Variants in ZNF830 observed in about 807,000 individuals in gnomAD.
ZNF830 encodes the protein coiled-coil domain containing 16.
A neutral mutation model predicts 28.1 loss-of-function variants in ZNF830; 15 were observed. The ratio of observed to expected loss-of-function variants is 0.53; its 90% CI spans 0.36 to 0.82. The LOEUF is 0.82. Ranked by LOEUF, ZNF830 falls within the 40% of genes least tolerant of loss-of-function variation. The pLI is 0.01. For synonymous variants in ZNF830, 208 were observed against 185.3 expected (o/e 1.12, Z -0.99); for missense variants, 456 against 467.7 (o/e 0.97, Z 0.23).
rs750704125 is a variant in ZNF830, at chr17:34,961,610, T to C, written c.44T>C (p.Val15Ala). ...ASARTPAGKR[V>A]INQEELRRLM... Reference sequence around the variant, plus strand: ...GCCCGGACTCCGGCAGGGAAGCGAGTGATAAATCAGGAAGAATTGCGGCGG... The same window carrying C: ...GCCCGGACTCCGGCAGGGAAGCGAGCGATAAATCAGGAAGAATTGCGGCGG... The change falls in exon 1 of 1, where the codon GTG (valine) becomes GCG (alanine). Residue 15 changes from valine (V) to alanine (A), a missense_variant. Coordinates refer to ENST00000361952, the MANE Select transcript of ZNF830 (RefSeq NM_052857.4). 2 of 1,613,306 alleles carry C rather than the reference T, an allele frequency of 1.2e-6. No homozygotes were observed. Among genetic ancestry groups the C allele is most frequent in the Non-Finnish European group, 1.7e-6 (2 of 1,179,834 alleles).
rs2090429864 is a variant in ZNF830 at position 34,962,264 on chromosome 17, A to C, written c.698A>C (p.Glu233Ala). The stretch of plus-strand genomic sequence containing the variant: ...TCAATTGAGAAAGCAGAAATACATG[A>C]AAAAGTGGTGGAAAGGAGAGAAAAC... Reference protein sequence around the residue: ...SGSIEKAEIHEKVVERRENTA... With the variant: ...SGSIEKAEIHAKVVERRENTA... Residue 233 changes from glutamate (E) to alanine (A), a missense_variant, in exon 1 of 1, where the codon GAA (glutamate) becomes GCA (alanine). Physicochemically the swap from Glu to Ala is moderately radical, Grantham distance 107 (BLOSUM62 -1). This residue lies in a region of ZNF830 where 125 missense variants were observed against 177.7 expected (regional missense o/e 0.70). Transcript: ENST00000361952. 2.5e-6 allele frequency: 4 copies of C among 1,613,834 alleles called. No homozygotes were observed. Among genetic ancestry groups the C allele is most frequent in the Non-Finnish European group, 3.4e-6 (4 of 1,180,042 alleles).
Position 34,963,392 on chromosome 17 carries a change from T to C in ZNF830, c.*707T>C, listed in dbSNP as rs751208267. On this transcript the variant is annotated 3_prime_UTR_variant, in exon 1 of 1. Coordinates refer to ENST00000361952, the MANE Select transcript of ZNF830 (RefSeq NM_052857.4). The stretch of plus-strand genomic sequence containing the variant: ...TTTAAGCACCCAGGTTATTCTAATA[T>C]ATGCCAGGGTTAGAGAGTAACTGCC... 6.6e-6 allele frequency: 1 copy of C among 152,276 alleles called. No homozygotes were observed. Among genetic ancestry groups the C allele is most frequent in the Non-Finnish European group, 1.5e-5 (1 of 68,050 alleles). The allele number at this position is 152,276 out of a possible 1,614,324, so 9.4% of individuals were successfully genotyped here.
Position 34,961,674 on chromosome 17 carries a change from A to G in ZNF830, c.108A>G (p.Lys36=). 1.9e-6 allele frequency: 3 copies of G among 1,614,214 alleles called. No homozygotes were observed. The highest frequency in any genetic ancestry group is 2.5e-6 in the Non-Finnish European group (3 of 1,180,030). ...AGCAGCGTCTGAGCACCAGTCGGAA[A>G]CGGATAGAATCTCCATTCGCGAAGT... ...KEKQRLSTSR[K]RIESPFAKYN... Residue 36 remains lysine (K), a synonymous_variant, in exon 1 of 1, where the codon AAA becomes AAG. Coordinates refer to ENST00000361952, the MANE Select transcript of ZNF830 (RefSeq NM_052857.4).
At position 34,962,707 on chromosome 17, in the gene ZNF830, C is replaced by CT; in HGVS notation, c.*23dup. ...ATAGGGTTTTAAAGACCCAAGGTTTCTAACAGCCTCTGCTGTTGTATAAAA... is the reference window on the plus strand; with the variant it reads ...ATAGGGTTTTAAAGACCCAAGGTTTCTTAACAGCCTCTGCTGTTGTATAAAA... On this transcript the variant is annotated 3_prime_UTR_variant, in exon 1 of 1. Transcript: ENST00000361952. 1 of 1,550,762 alleles carries CT rather than the reference C, an allele frequency of 6.4e-7. No homozygotes were observed. The highest frequency in any genetic ancestry group is 8.7e-7 in the Non-Finnish European group (1 of 1,155,094).
Position 34,962,164 on chromosome 17 carries a change from GT to G in ZNF830, c.599del (p.Val200GlufsTer20). 1 of 1,614,120 alleles carries G rather than the reference GT, an allele frequency of 6.2e-7. No homozygotes were observed. Among genetic ancestry groups the G allele is most frequent in the Non-Finnish European group, 8.5e-7 (1 of 1,180,046 alleles). ...KEHSVSSSRE[V>X]TSSVLPNDFF... ...GCACTCAGTTTCCTCTTCACGGGAG[GT>G]AACAAGTAGTGTGCTGCCAAACGAT... is the stretch of plus-strand genomic sequence containing the variant. On this transcript the variant is annotated frameshift_variant, in exon 1 of 1. Transcript: ENST00000361952. LOFTEE classifies it high-confidence loss of function.
chr17:34,962,214 G>A lies in ZNF830; in HGVS notation c.648G>A (p.Lys216=). Residue 216 remains lysine (K), a synonymous_variant, in exon 1 of 1, where the codon AAG becomes AAA. Transcript: ENST00000361952. The part of the protein sequence containing the change: ...PNDFFSTNPP[K]APIIPHSGSI... The stretch of plus-strand genomic sequence containing the variant: ...ATTTCTTTAGTACTAATCCTCCCAA[G>A]GCCCCCATAATTCCTCATTCAGGGT... The A allele has an allele frequency of 1.2e-6, 2 of 1,613,940 alleles. No individual in the cohort carries two copies. Among genetic ancestry groups the A allele is most frequent in the South Asian group, 2.2e-5 (2 of 91,084 alleles).
chr17:34,961,744 G>T lies in ZNF830; in HGVS notation c.178G>T (p.Val60Phe), dbSNP rs777728695. The T allele has an allele frequency of 6.2e-7, 1 of 1,614,066 alleles. No homozygotes were observed. Among genetic ancestry groups the T allele is most frequent in the Non-Finnish European group, 8.5e-7 (1 of 1,180,054 alleles). The change falls in exon 1 of 1, where the codon GTT (valine) becomes TTT (phenylalanine). Residue 60 changes from valine (V) to phenylalanine (F), a missense_variant. Physicochemically the swap from Val to Phe is conservative, Grantham distance 50. Coordinates refer to ENST00000361952, the MANE Select transcript of ZNF830 (RefSeq NM_052857.4). ...QLSCALCNTP[V>F]KSELLWQTHV... Reference sequence around the variant, plus strand: ...GAGTTGTGCCCTGTGTAACACTCCGGTTAAGAGCGAGCTCCTGTGGCAGAC... The same window carrying T: ...GAGTTGTGCCCTGTGTAACACTCCGTTTAAGAGCGAGCTCCTGTGGCAGAC...
At position 34,963,026 on chromosome 17, in the gene ZNF830, A is replaced by G. The variant is rs2090437115; in HGVS notation, c.*341A>G. ...TTTTGAATTTTTTTAATTAATAGAA[A>G]GACCAACCGGCAAACTTTCAGATGA... On this transcript the variant is annotated 3_prime_UTR_variant, in exon 1 of 1. Transcript: ENST00000361952. 5.1e-6 allele frequency: 1 copy of G among 195,402 alleles called. No individual in the cohort carries two copies. Among genetic ancestry groups the G allele is most frequent in the African/African-American group, 2.4e-5 (1 of 42,244 alleles). The allele number at this position is 195,402 out of a possible 1,614,324, so 12.1% of individuals were successfully genotyped here.
At position 34,962,812 on chromosome 17, in the gene ZNF830, A is replaced by C. The variant is rs1252052582; in HGVS notation, c.*127A>C. Reference sequence around the variant, plus strand: ...TGGATTGCTAAACTGGATTGTTGAGATAAAATGAGCCAGTGAGCTACAGCA... The same window carrying C: ...TGGATTGCTAAACTGGATTGTTGAGCTAAAATGAGCCAGTGAGCTACAGCA... On this transcript the variant is annotated 3_prime_UTR_variant, in exon 1 of 1. Coordinates refer to ENST00000361952, the MANE Select transcript of ZNF830 (RefSeq NM_052857.4). The C allele has an allele frequency of 7.0e-7, 1 of 1,435,634 alleles. No homozygotes were observed. Among genetic ancestry groups the C allele is most frequent in the Non-Finnish European group, 9.2e-7 (1 of 1,091,464 alleles). 88.9% of individuals were successfully genotyped at this position (1,435,634 alleles called of 1,614,324 possible).
Position 34,961,997 on chromosome 17 carries a change from G to T in ZNF830, c.431G>T (p.Arg144Ile). ...NFDKIGKEFI[R>I]ATPSKPSGLS... Reference sequence around the variant, plus strand: ...GACAAAATAGGAAAGGAGTTCATTAGAGCGACTCCCAGTAAGCCTTCAGGA... The same window carrying T: ...GACAAAATAGGAAAGGAGTTCATTATAGCGACTCCCAGTAAGCCTTCAGGA... Residue 144 changes from arginine (R) to isoleucine (I), a missense_variant, in exon 1 of 1, where the codon AGA (arginine) becomes ATA (isoleucine). Around this residue, in one of 2 missense-constraint regions of ZNF830, gnomAD observed 331 missense variants for 290.1 expected, o/e 1.14. Transcript: ENST00000361952. The T allele has an allele frequency of 6.2e-7, 1 of 1,614,174 alleles. No homozygotes were observed. The highest frequency in any genetic ancestry group is 8.5e-7 in the Non-Finnish European group (1 of 1,180,026).
rs1257264288 is a variant in ZNF830, at chr17:34,961,887, C to T, written c.321C>T (p.Asp107=). 6.2e-7 allele frequency: 1 copy of T among 1,614,014 alleles called. No individual in the cohort carries two copies. The highest frequency in any genetic ancestry group is 1.3e-5 in the African/African-American group (1 of 74,904). The change falls in exon 1 of 1, where the codon GAC becomes GAT. Residue 107 remains aspartate (D), a synonymous_variant. Coordinates refer to ENST00000361952, the MANE Select transcript of ZNF830 (RefSeq NM_052857.4). ...ATTCCGTCAAGAGGAAAGCGCCGGA[C>T]GCAGACGACCAAGATGTCAAGAGAG... is the stretch of plus-strand genomic sequence containing the variant. The part of the protein sequence containing the change: ...APHSVKRKAP[D]ADDQDVKRAK...
chr17:34,962,953 T>A lies in ZNF830; in HGVS notation c.*268T>A. 1 of 360,450 alleles carries A rather than the reference T, an allele frequency of 2.8e-6. No individual in the cohort carries two copies. The highest frequency in any genetic ancestry group is 5.0e-6 in the Non-Finnish European group (1 of 199,692). The allele number at this position is 360,450 out of a possible 1,614,324, so 22.3% of individuals were successfully genotyped here. A position where few individuals can be genotyped will look rare whatever the true frequency, so the allele number is the denominator to read the frequency against. On this transcript the variant is annotated 3_prime_UTR_variant, in exon 1 of 1. Coordinates refer to ENST00000361952, the MANE Select transcript of ZNF830 (RefSeq NM_052857.4). ...CAGACTTAACTGTATAATTTCGTTG[T>A]AAAATCTGTAAGTTGTAAATATTGT... is the stretch of plus-strand genomic sequence containing the variant.
In ZNF830 at chr17:34,962,665, G is replaced by T. The variant is rs1298436964; in HGVS notation, c.1099G>T (p.Val367Leu). The T allele has an allele frequency of 6.2e-7, 1 of 1,601,326 alleles. No homozygotes were observed. The highest frequency in any genetic ancestry group is 8.5e-7 in the Non-Finnish European group (1 of 1,175,550). The change falls in exon 1 of 1, where the codon GTG (valine) becomes TTG (leucine). Residue 367 changes from valine (V) to leucine (L), a missense_variant. Val to Leu is a conservative substitution (Grantham distance 32, BLOSUM62 1). Transcript: ENST00000361952. ...LQDLLSQDWR[V>L]KGALL ...GGATTTGTTGTCTCAGGATTGGAGG[G>T]TGAAAGGGGCATTGTTATAGGGTTT...
In ZNF830 at chr17:34,962,423, CTA is replaced by C; in HGVS notation, c.859_860del (p.Ile287PhefsTer10). Reference sequence around the variant, plus strand: ...CAAAAAGCCATGAGGCAGGTCAACACTATTTCCGAAGCCATAGTTGCCGAAGA... The same window carrying C: ...CAAAAAGCCATGAGGCAGGTCAACACTTTCCGAAGCCATAGTTGCCGAAGA... On this transcript the variant is annotated frameshift_variant, in exon 1 of 1. Transcript: ENST00000361952. LOFTEE classifies it high-confidence loss of function. The C allele has an allele frequency of 6.2e-7, 1 of 1,614,152 alleles. No individual in the cohort carries two copies. The highest frequency in any genetic ancestry group is 8.5e-7 in the Non-Finnish European group (1 of 1,180,032).
At position 34,961,862 on chromosome 17, in the gene ZNF830, ATTCC is replaced by A; in HGVS notation, c.297_300del (p.His99GlnfsTer39). 1.9e-6 allele frequency: 3 copies of A among 1,614,102 alleles called. No individual in the cohort carries two copies. Among genetic ancestry groups the A allele is most frequent in the Non-Finnish European group, 2.5e-6 (3 of 1,180,006 alleles). ...GGTTCGTCCGCCAGTTCAGCGCCTC[ATTCC>A]GTCAAGAGGAAAGCGCCGGACGCAG... On this transcript the variant is annotated frameshift_variant, in exon 1 of 1. Transcript: ENST00000361952. LOFTEE classifies it high-confidence loss of function.
Position 34,962,101 on chromosome 17 carries a change from G to C in ZNF830, c.535G>C (p.Asp179His). Residue 179 changes from aspartate to histidine, a missense_variant, in exon 1 of 1, where the codon GAC (aspartate) becomes CAC (histidine). Physicochemically the swap from Asp to His is moderately conservative, Grantham distance 81 (BLOSUM62 -1). Coordinates refer to ENST00000361952, the MANE Select transcript of ZNF830 (RefSeq NM_052857.4). Reference protein sequence around the residue: ...EEGDGERKRGDASKPLSDAQG... With the variant: ...EEGDGERKRGHASKPLSDAQG... ...AGGAGATGGAGAAAGAAAAAGGGGGGACGCCAGCAAGCCGCTCTCCGACGC... is the reference window on the plus strand; with the variant it reads ...AGGAGATGGAGAAAGAAAAAGGGGGCACGCCAGCAAGCCGCTCTCCGACGC... The C allele has an allele frequency of 1.2e-6, 2 of 1,614,094 alleles. No individual in the cohort carries two copies. Among genetic ancestry groups the C allele is most frequent in the Middle Eastern group, 3.3e-4 (2 of 6,062 alleles).
At position 34,961,770 on chromosome 17, in the gene ZNF830, T is replaced by G. The variant is rs774889198; in HGVS notation, c.204T>G (p.Thr68=). 6.2e-7 allele frequency: 1 copy of G among 1,613,966 alleles called. No individual in the cohort carries two copies. Among genetic ancestry groups the G allele is most frequent in the Non-Finnish European group, 8.5e-7 (1 of 1,179,992 alleles). The change falls in exon 1 of 1, where the codon ACT becomes ACG. Residue 68 remains threonine, a synonymous_variant. Transcript: ENST00000361952. The stretch of plus-strand genomic sequence containing the variant: ...TTAAGAGCGAGCTCCTGTGGCAGAC[T>G]CACGTCCTGGGAAAGCAGCACCGAG... The part of the protein sequence containing the change: ...TPVKSELLWQ[T]HVLGKQHREK...
chr17:34,961,869 C>T lies in ZNF830; in HGVS notation c.303C>T (p.Val101=). The part of the protein sequence containing the change: ...GSSASSAPHS[V]KRKAPDADDQ... ...CCGCCAGTTCAGCGCCTCATTCCGT[C>T]AAGAGGAAAGCGCCGGACGCAGACG... Residue 101 remains valine, a synonymous_variant, in exon 1 of 1, where the codon GTC becomes GTT. Coordinates refer to ENST00000361952, the MANE Select transcript of ZNF830 (RefSeq NM_052857.4). 1 of 1,614,064 alleles carries T rather than the reference C, an allele frequency of 6.2e-7. No individual in the cohort carries two copies.
In ZNF830 at chr17:34,961,589, G is replaced by A; in HGVS notation, c.23G>A (p.Arg8Gln). MASSASA[R>Q]TPAGKRVINQ... ...AAGATGGCGTCCTCCGCCTCCGCCCGGACTCCGGCAGGGAAGCGAGTGATA... is the reference window on the plus strand; with the variant it reads ...AAGATGGCGTCCTCCGCCTCCGCCCAGACTCCGGCAGGGAAGCGAGTGATA... The change falls in exon 1 of 1, where the codon CGG becomes CAG. Residue 8 changes from arginine (R) to glutamine (Q), a missense_variant. Physicochemically the swap from Arg to Gln is conservative, Grantham distance 43. Around this residue, in one of 2 missense-constraint regions of ZNF830, gnomAD observed 331 missense variants for 290.1 expected, o/e 1.14. Coordinates refer to ENST00000361952, the MANE Select transcript of ZNF830 (RefSeq NM_052857.4). 6.2e-7 allele frequency: 1 copy of A among 1,613,926 alleles called. No homozygotes were observed. Among genetic ancestry groups the A allele is most frequent in the South Asian group, 1.1e-5 (1 of 91,072 alleles).
Sources: gnomAD v4.1 joint callset for allele counts on GRCh38, gnomAD v4.1.1 for gene constraint, gnomAD v4.1.1 regional missense constraint, MANE v1.5 for transcripts, NCBI Gene and HGNC (gene_info 2026-07-23, HGNC 2026-07-21) for gene names.